The following DMD variants were observed in gnomAD, a reference collection of about 807,000 sequenced individuals.
DMD encodes dystrophin.
DMD carries 63 observed loss-of-function variants against 330.1 expected under a neutral mutation model. That is an observed-to-expected ratio of 0.19 (90% confidence interval 0.16 to 0.24). The LOEUF (loss-of-function observed/expected upper bound fraction) is 0.24. Among genes scored for constraint, DMD ranks in the 10% least tolerant of loss-of-function variants. The pLI is 1.00. For missense variants in DMD, 3,344 were observed against 2,684.1 expected, an observed-to-expected ratio of 1.25 and a Z score of -5.43; for synonymous variants, 1,223 against 959.8, an observed-to-expected ratio of 1.27 and a Z score of -5.07.
At chrX:32,999,144 A>T (rs780532388) in intron 2 of DMD, among the ~76,000 whole-genome samples, 4 of 112,710 alleles carry the variant, frequency 3.5e-5, no homozygotes, top group African/African-American at 1.3e-4. Flanking sequence ...ATTGATCGCG[A>T]TAGCAGTAGG....
At chrX:31,617,202 A>G (rs191579381) in intron 55 of DMD, among the ~76,000 whole-genome samples, 1 of 112,023 alleles carries the variant, frequency 8.9e-6, no homozygotes, top group African/African-American at 3.2e-5. Context: ...TATCAAATGA[A>G]GATAATGAGA....
chrX:32,650,117 C>T (rs903153211), intron 9 of DMD, among the ~76,000 whole-genome samples: 2 of 111,259 alleles, frequency 1.8e-5, no homozygotes, highest in African/African-American at 6.6e-5. Context: ...GTAGTGAAAC[C>T]AGCAGCCCAG....
chrX:31,178,932 G>C (rs2040850785), intron 69 of DMD, 127 bp from the exon 70 acceptor site: 2 of 866,977 alleles, frequency 2.3e-6, no homozygotes, highest in African/African-American at 2.0e-5. Flanking sequence ...GTGAGCAAAG[G>C]CTTTGGAATC....
chrX:31,334,302 T>C (rs1433786348), intron 61 of DMD, among the ~76,000 whole-genome samples: 2 of 112,431 alleles, frequency 1.8e-5, no homozygotes, highest in African/African-American at 6.5e-5. Context: ...TGAATGCATC[T>C]TGTGACTCTT....
At chrX:32,579,702 T>TA (rs1182927176) in intron 13 of DMD, among the ~76,000 whole-genome samples, 4 of 113,058 alleles carry the variant, frequency 3.5e-5, no homozygotes, top group Non-Finnish European at 7.5e-5. Flanking sequence ...TTTGACACTG[T>TA]AACTCTGTAT....
At chrX:33,198,538 T>G (rs2051086863) in intron 1 of DMD, among the ~76,000 whole-genome samples, 1 of 111,394 alleles carries the variant, frequency 9.0e-6, no homozygotes, top group Non-Finnish European at 1.9e-5. Flanking sequence ...AAAATTTTCA[T>G]AAAATGCAAT....
At chrX:31,510,586 C>G (rs1032958046) in intron 55 of DMD, among the ~76,000 whole-genome samples, 2 of 102,690 alleles carry the variant, frequency 1.9e-5, no homozygotes, top group African/African-American at 3.7e-5. Flanking sequence ...TGGCTCACTG[C>G]AAGCTCCGCC....
At chrX:31,215,786 T>C (rs2045347757) in intron 64 of DMD, among the ~76,000 whole-genome samples, 1 of 112,173 alleles carries the variant, frequency 8.9e-6, no homozygotes, top group Non-Finnish European at 1.9e-5. Context: ...TGGAAAGCCA[T>C]TAGTGGGTGG....
intron 1 of DMD, among the ~76,000 whole-genome samples, chrX:33,142,172 G>A (rs931168945): frequency 8.9e-6 from 1 of 112,008 alleles, no homozygotes; most frequent in African/African-American, 3.2e-5. Flanking sequence ...TGCAACCTCC[G>A]CCTCCCAGCT....
chrX:32,265,191 A>G (rs898239923), intron 43 of DMD, among the ~76,000 whole-genome samples: 24 of 111,873 alleles, frequency 2.1e-4, no homozygotes, highest in African/African-American at 7.2e-4. Context: ...TGCTATGTGC[A>G]GCCTAGGGAC....
At chrX:32,468,132 G>A (rs1411972547) in intron 23 of DMD, among the ~76,000 whole-genome samples, 2 of 109,730 alleles carry the variant, frequency 1.8e-5, no homozygotes, top group Non-Finnish European at 3.8e-5. Flanking sequence ...ATATACCTCT[G>A]TATAATGTAT....
intron 7 of DMD, among the ~76,000 whole-genome samples, chrX:32,792,435 C>A (rs1318422915): frequency 9.0e-6 from 1 of 111,466 alleles, no homozygotes; most frequent in Non-Finnish European, 1.9e-5. Flanking sequence ...AACCATAAAT[C>A]AATAAAATGA....
At chrX:31,939,970 T>C (rs776547315) in intron 45 of DMD, among the ~76,000 whole-genome samples, 13 of 111,901 alleles carry the variant, frequency 1.2e-4, no homozygotes, top group Admixed American at 1.9e-4. Context: ...GTGAAGCATA[T>C]ATGTAATCAC....
chrX:32,328,678 T>C (rs1256703031), intron 41 of DMD, among the ~76,000 whole-genome samples: 1 of 102,712 alleles, frequency 9.7e-6, no homozygotes, highest in Non-Finnish European at 2.0e-5. Flanking sequence ...CATAGGTCAA[T>C]AACAACATTA....
At chrX:31,749,223 A>T (rs1012476483) in intron 51 of DMD, among the ~76,000 whole-genome samples, 1 of 107,660 alleles carries the variant, frequency 9.3e-6, no homozygotes, top group Non-Finnish European at 1.9e-5. Flanking sequence ...TACATGTGCC[A>T]TGCTGGCACG....
chrX:32,043,740 A>G (rs187924837), intron 44 of DMD, among the ~76,000 whole-genome samples: 145 of 111,943 alleles, frequency 1.3e-3, no homozygotes, highest in African/African-American at 4.4e-3. Flanking sequence ...ACTAATAGTG[A>G]TGCAATAAAC....
At position 33,095,927 on chromosome X, in the gene DMD, C is replaced by T. The variant is rs185906829; in HGVS notation, c.32-75727G>A. 3.4e-3 allele frequency among the ~76,000 whole-genome samples: 375 copies of T among 108,930 alleles called. 2 individuals carry two copies. The highest frequency in any genetic ancestry group is 0.012 in the African/African-American group (360 of 29,980). 94.6% of individuals were successfully genotyped at this position (108,930 alleles called of 115,157 possible). On this transcript the variant is annotated intron_variant, in intron 1 of 78. Transcript: ENST00000357033. ...TTAACAACATCAAATGTATGGTGTC[C>T]CTTAAGAGTGCTAAATCAAACACTA...
At chrX:32,203,686 C>T (rs900640340) in intron 44 of DMD, among the ~76,000 whole-genome samples, 3 of 111,763 alleles carry the variant, frequency 2.7e-5, no homozygotes, top group Non-Finnish European at 5.6e-5. Flanking sequence ...ATTTGACAGC[C>T]GCTTGCTAAA....
chrX:31,438,343 T>C (rs774194579), intron 60 of DMD, among the ~76,000 whole-genome samples: 34 of 111,910 alleles, frequency 3.0e-4, no homozygotes, highest in Non-Finnish European at 5.8e-4. Context: ...GTGTGGTCCA[T>C]GATTCAGCAG....
Sources: gnomAD v4.1 joint callset for allele counts (sites outside exome capture counted in the v4.1 genomes callset) on GRCh38, gnomAD v4.1.1 for gene constraint, MANE v1.5 for transcripts, NCBI Gene and HGNC (gene_info 2026-07-23, HGNC 2026-07-21) for gene names.